Variants in DENND5B observed in about 807,000 individuals in gnomAD.
DENND5B encodes DENN domain containing 5B.
Under a neutral mutation model 140.6 loss-of-function variants are expected in DENND5B, and 34 were observed. The observed-to-expected ratio is 0.24, with a 90% confidence interval of 0.18 to 0.32. The LOEUF is 0.32. DENND5B is among the 10% of genes least tolerant of loss of function. The pLI, the probability that DENND5B is intolerant of heterozygous loss-of-function variation, is 1.00. For missense variants in DENND5B, 1,142 were observed against 1,560.2 expected (o/e 0.73, Z 4.52); for synonymous variants, 551 against 562.1 (o/e 0.98, Z 0.28).
At chr12:31,576,045 G>A (rs777781986) in intron 1 of DENND5B, among the ~76,000 whole-genome samples, 1 of 151,510 alleles carries the variant, frequency 6.6e-6, no homozygotes, top group African/African-American at 2.4e-5. Flanking sequence ...AGAGGCTGAA[G>A]TGGAAGGACT....
intron 1 of DENND5B, 117 bp from the exon 2 acceptor site, chr12:31,496,036 G>T: frequency 1.6e-6 from 1 of 622,502 alleles, no homozygotes; most frequent in Non-Finnish European, 2.6e-6. Flanking sequence ...TTCAATTTCT[G>T]CCTCTAACCA....
chr12:31,507,485 G>T (rs1382325756), intron 1 of DENND5B, among the ~76,000 whole-genome samples: 1 of 151,956 alleles, frequency 6.6e-6, no homozygotes, highest in Non-Finnish European at 1.5e-5. Context: ...ACCAATCAAA[G>T]AACACAACAG....
chr12:31,444,993 T>C (rs1944214551), intron 6 of DENND5B, among the ~76,000 whole-genome samples: 1 of 152,218 alleles, frequency 6.6e-6, no homozygotes, highest in South Asian at 2.1e-4. Flanking sequence ...GACTTTGATC[T>C]ATTTAAGTAA....
At chr12:31,517,267 C>A (rs1052596914) in intron 1 of DENND5B, among the ~76,000 whole-genome samples, 5 of 152,352 alleles carry the variant, frequency 3.3e-5, no homozygotes, top group Admixed American at 2.0e-4. Flanking sequence ...CTAAGCCCTA[C>A]CCACTTGATT....
chr12:31,481,103 A>T (rs560832047), intron 2 of DENND5B, among the ~76,000 whole-genome samples: 1 of 152,362 alleles, frequency 6.6e-6, no homozygotes, highest in East Asian at 1.9e-4. Context: ...TAATTCAACC[A>T]TCCTAATACT....
Position 31,502,772 on chromosome 12 carries a change from C to G in DENND5B, c.128-6853G>C, listed in dbSNP as rs139548556. 2.1e-4 allele frequency among the ~76,000 whole-genome samples: 32 copies of G among 152,308 alleles called. No individual in the cohort carries two copies. The East Asian group carries it at 6.2e-3, about 29-fold the overall frequency. On this transcript the variant is annotated intron_variant, in intron 1 of 20. Transcript: ENST00000389082. ...TACTGTGAGAACTGAATATCCCAAA[C>G]AAGGTTTACAGAAACCTTTCATACT... is the stretch of plus-strand genomic sequence containing the variant.
intron 2 of DENND5B, among the ~76,000 whole-genome samples, chr12:31,488,331 A>T (rs766884195): frequency 3.3e-5 from 5 of 152,114 alleles, no homozygotes; most frequent in South Asian, 4.1e-4. Flanking sequence ...AGTGACCACC[A>T]AAGTCAACAT....
intron 2 of DENND5B, among the ~76,000 whole-genome samples, chr12:31,480,513 G>A (rs1354091956): frequency 2.0e-5 from 3 of 152,282 alleles, no homozygotes; most frequent in East Asian, 3.9e-4. Context: ...CTAAGAACAA[G>A]AGAATCACTG....
chr12:31,537,615 G>T (rs1290541020), intron 1 of DENND5B, among the ~76,000 whole-genome samples: 1 of 151,974 alleles, frequency 6.6e-6, no homozygotes, highest in East Asian at 1.9e-4. Flanking sequence ...ATAAGCCCTT[G>T]CTCATCAATA....
intron 1 of DENND5B, among the ~76,000 whole-genome samples, chr12:31,572,616 T>A (rs1949867472): frequency 6.6e-6 from 1 of 152,092 alleles, no homozygotes; most frequent in Non-Finnish European, 1.5e-5. Context: ...TCTGTCCTTG[T>A]TTCTCTTCCT....
At chr12:31,449,733 T>TTTTTTGTTG (rs1380736869) in intron 5 of DENND5B, among the ~76,000 whole-genome samples, 7 of 87,830 alleles carry the variant, frequency 8.0e-5, no homozygotes, top group East Asian at 4.2e-4. Context: ...ACAGATTAGT[T>TTTTTTGTTG]TTTTTTTTTT....
At position 31,390,929 on chromosome 12, in the gene DENND5B, C is replaced by T. The variant is rs779832442; in HGVS notation, c.3466+1338G>A. Among the ~76,000 whole-genome samples the T allele has an allele frequency of 3.3e-4, 49 of 150,150 alleles. 1 individual carries two copies. The highest frequency in any genetic ancestry group is 4.6e-4 in the Admixed American group (7 of 15,108). Reference sequence around the variant, plus strand: ...CTAATCAGTGGCTGGGGCAGGAGAACCGCTTGAACCCAGGAGGCAGAGGTT... The same window carrying T: ...CTAATCAGTGGCTGGGGCAGGAGAATCGCTTGAACCCAGGAGGCAGAGGTT... On this transcript the variant is annotated intron_variant, in intron 19 of 20. Transcript: ENST00000389082.
In DENND5B at chr12:31,451,925, T is replaced by C. The variant is rs1944547305; in HGVS notation, c.1629+15A>G. On this transcript the variant is annotated intron_variant, in intron 5 of 20. Transcript: ENST00000389082. ...CCACTAATAACCACAAAAGGAAAAC[T>C]ATGGTTCTTTTTACTTTGTCAAAGT... 2.5e-6 allele frequency: 4 copies of C among 1,612,450 alleles called. No homozygotes were observed. The highest frequency in any genetic ancestry group is 2.5e-6 in the Non-Finnish European group (3 of 1,179,482).
At chr12:31,388,407 A>C (rs1002465738) in intron 20 of DENND5B, among the ~76,000 whole-genome samples, 1 of 152,182 alleles carries the variant, frequency 6.6e-6, no homozygotes, top group African/African-American at 2.4e-5. Context: ...TTAAAAGCAC[A>C]GCTAAAACTG....
At chr12:31,440,175 CATTTT>C (rs1403489456) in intron 7 of DENND5B, among the ~76,000 whole-genome samples, 1 of 151,990 alleles carries the variant, frequency 6.6e-6, no homozygotes, top group East Asian at 1.9e-4. Flanking sequence ...TCTATTAGCA[CATTTT>C]TTTTCTTTTT....
At chr12:31,484,626 T>C (rs2138605481) in intron 2 of DENND5B, among the ~76,000 whole-genome samples, 1 of 152,008 alleles carries the variant, frequency 6.6e-6, no homozygotes, top group South Asian at 2.1e-4. Context: ...CATGGTGAAA[T>C]CCTGTCTCTA....
intron 1 of DENND5B, among the ~76,000 whole-genome samples, chr12:31,536,273 G>A (rs1948490470): frequency 6.6e-6 from 1 of 152,090 alleles, no homozygotes; most frequent in African/African-American, 2.4e-5. Flanking sequence ...TGACCTTTCA[G>A]ACAGAGAATT....
At position 31,413,524 on chromosome 12, in the gene DENND5B, G is replaced by A; in HGVS notation, c.2593C>T (p.Arg865Ter). 2 of 1,613,792 alleles carry A rather than the reference G, an allele frequency of 1.2e-6. No homozygotes were observed. The highest frequency in any genetic ancestry group is 1.7e-6 in the Non-Finnish European group (2 of 1,179,770). Residue 865 changes from arginine to a stop codon, truncating the protein, a stop_gained, in exon 13 of 21, where the codon CGA (arginine) becomes TGA (stop). Transcript: ENST00000389082. LOFTEE classifies it high-confidence loss of function. ...GACAGTCTTATCCACGCCCGAGCTCGTCCAACATCAGTCTTGATCTCACTC... is the reference window on the plus strand; with the variant it reads ...GACAGTCTTATCCACGCCCGAGCTCATCCAACATCAGTCTTGATCTCACTC... ...NMSEIKTDVG[R>*]ARAWIRLSLE... is the part of the protein sequence containing the mutation.
chr12:31,430,497 C>CAAAAAA (rs71062432), intron 8 of DENND5B, among the ~76,000 whole-genome samples: 7 of 56,070 alleles, frequency 1.2e-4, no homozygotes, highest in Non-Finnish European at 9.2e-5. Flanking sequence ...ACTAAAAATA[C>CAAAAAA]AAAAAAAAAA....
Sources: gnomAD v4.1 joint callset for allele counts (sites outside exome capture counted in the v4.1 genomes callset) on GRCh38, gnomAD v4.1.1 for gene constraint, MANE v1.5 for transcripts, NCBI Gene and HGNC (gene_info 2026-07-23, HGNC 2026-07-21) for gene names.